DNAH9: variants seen among roughly 807,000 people sequenced by gnomAD.
The protein encoded by DNAH9 is dynein axonemal heavy chain 9, also known as DNAH9 variant protein.
A neutral mutation model predicts 471.6 loss-of-function variants in DNAH9; 345 were observed. The observed-to-expected ratio is 0.73, with a 90% CI of 0.67 to 0.80. The LOEUF is 0.80. Among genes scored for constraint, DNAH9 ranks in the 30% least tolerant of loss-of-function variants. The pLI, the probability that DNAH9 is intolerant of heterozygous loss-of-function variation, is 0.00. For missense variants in DNAH9, 5,407 were observed against 5,609.2 expected, an observed-to-expected ratio of 0.96 and a Z score of 1.15; for synonymous variants, 2,093 against 2,123.6, an observed-to-expected ratio of 0.99 and a Z score of 0.40.
chr17:11,599,229 C>A lies in DNAH9; in HGVS notation c.417+314C>A, dbSNP rs531234719. ...GGGTCAGTCCGGGTCTGGGTTCCAG[C>A]CAAAGTCAGGGGAAGACCATAATCT... On this transcript the variant is annotated intron_variant, in intron 1 of 68. Transcript: ENST00000262442. Among the ~76,000 whole-genome samples, 14 of 152,096 alleles carry A rather than the reference C, an allele frequency of 9.2e-5. No homozygotes were observed. The South Asian group carries it at 2.9e-3, about 32-fold the overall frequency.
At position 11,668,392 on chromosome 17, in the gene DNAH9, C is replaced by T. The variant is rs139867022; in HGVS notation, c.2732-672C>T. On this transcript the variant is annotated intron_variant, in intron 15 of 68. Transcript: ENST00000262442. ...AAAAATCAACCTCTTGTTGGCTGGG[C>T]GCGGTGGCTCATGCCTGTAATCTCA... Among the ~76,000 whole-genome samples the T allele has an allele frequency of 1.8e-3, 278 of 152,170 alleles. 2 individuals are homozygous for T. Among genetic ancestry groups the T allele is most frequent in the Admixed American group, 0.016 (249 of 15,284 alleles).
chr17:11,768,162 C>T (rs974542516), intron 36 of DNAH9, among the ~76,000 whole-genome samples: 1 of 152,188 alleles, frequency 6.6e-6, no homozygotes, highest in African/African-American at 2.4e-5. Flanking sequence ...TCTTCCACCT[C>T]CCTCCCTCAA....
chr17:11,656,081 G>A (rs1430291709), intron 14 of DNAH9, among the ~76,000 whole-genome samples: 1 of 152,118 alleles, frequency 6.6e-6, no homozygotes, highest in Non-Finnish European at 1.5e-5. Context: ...TAGATACCCA[G>A]TAGTGGGATT....
At chr17:11,641,001 C>T (rs1269405038) in intron 10 of DNAH9, among the ~76,000 whole-genome samples, 2 of 152,094 alleles carry the variant, frequency 1.3e-5, no homozygotes. Flanking sequence ...GTGTTTAAGA[C>T]GCTGGCTGAG....
rs567586698 is a variant in DNAH9, at chr17:11,698,529, A to G, written c.4873-1202A>G. 2.0e-5 allele frequency among the ~76,000 whole-genome samples: 3 copies of G among 151,568 alleles called. No homozygotes were observed. In the South Asian group the frequency reaches 6.2e-4, roughly 31 times the overall value. On this transcript the variant is annotated intron_variant, in intron 22 of 68. Coordinates refer to ENST00000262442, the MANE Select transcript of DNAH9 (RefSeq NM_001372.4). ...TCAATAAAGAAAGGTCTATCTTGGT[A>G]TTTGTACCCAAATCAGTGTGGGTGG...
chr17:11,866,185 A>G (rs1303386380), intron 50 of DNAH9, among the ~76,000 whole-genome samples: 1 of 150,740 alleles, frequency 6.6e-6, no homozygotes, highest in Non-Finnish European at 1.5e-5. Flanking sequence ...TGATGTACAG[A>G]TGGGTTTTTG....
At position 11,611,756 on chromosome 17, in the gene DNAH9, G is replaced by T. The variant is rs2072642351; in HGVS notation, c.880G>T (p.Ala294Ser). 2 of 1,614,218 alleles carry T rather than the reference G, an allele frequency of 1.2e-6. No individual in the cohort carries two copies. The highest frequency in any genetic ancestry group is 1.7e-6 in the Non-Finnish European group (2 of 1,180,020). Reference protein sequence around the residue: ...LQSSYFPAFKAMYRDVVAALA... With the variant: ...LQSSYFPAFKSMYRDVVAALA... ...GAGTAGCTACTTTCCAGCTTTCAAA[G>T]CCATGTACAGAGATGTTGTTGCAGG... The change falls in exon 4 of 69, where the codon GCC (alanine) becomes TCC (serine). Residue 294 changes from alanine (A) to serine (S), a missense_variant. Coordinates refer to ENST00000262442, the MANE Select transcript of DNAH9 (RefSeq NM_001372.4).
At chr17:11,778,329 CAAAAAAAAA>C (rs57983162) in intron 38 of DNAH9, among the ~76,000 whole-genome samples, 158 of 48,638 alleles carry the variant, frequency 3.2e-3, no homozygotes, top group South Asian at 0.016. Flanking sequence ...GACTCCATCT[CAAAAAAAAA>C]AAAAAAAAAA....
intron 67 of DNAH9, among the ~76,000 whole-genome samples, chr17:11,945,537 CAA>C (rs34040154): frequency 8.8e-5 from 9 of 102,338 alleles, no homozygotes; most frequent in Admixed American, 3.1e-4. Flanking sequence ...GATTCCATCT[CAA>C]AAAAAAAAAA....
Position 11,969,420 on chromosome 17 carries a change from A to G in DNAH9, c.13354A>G (p.Lys4452Glu). Residue 4452 changes from lysine (K) to glutamate (E), a missense_variant, in exon 69 of 69, where the codon AAG becomes GAG. Around this residue, in one of 3 missense-constraint regions of DNAH9, gnomAD observed 4,636 missense variants for 4,900.3 expected, o/e 0.95. Coordinates refer to ENST00000262442, the MANE Select transcript of DNAH9 (RefSeq NM_001372.4). ...CRSVYSCPVY[K>E]TSQRGPTYVW... ...CAGTGTCTATTCCTGTCCTGTGTACAAGACTAGTCAGCGGGGACCCACCTA... is the reference window on the plus strand; with the variant it reads ...CAGTGTCTATTCCTGTCCTGTGTACGAGACTAGTCAGCGGGGACCCACCTA... The G allele has an allele frequency of 1.2e-6, 2 of 1,614,098 alleles. No homozygotes were observed. Among genetic ancestry groups the G allele is most frequent in the Non-Finnish European group, 1.7e-6 (2 of 1,180,028 alleles).
chr17:11,605,622 C>T, intron 1 of DNAH9, among the ~76,000 whole-genome samples: 1 of 151,808 alleles, frequency 6.6e-6, no homozygotes, highest in Non-Finnish European at 1.5e-5. Flanking sequence ...ACCTCAGCCT[C>T]CTTAGTAACT....
At chr17:11,766,635 G>T (rs1352738507) in intron 36 of DNAH9, among the ~76,000 whole-genome samples, 4 of 152,190 alleles carry the variant, frequency 2.6e-5, no homozygotes, top group Non-Finnish European at 5.9e-5. Flanking sequence ...CTTCAGAAGG[G>T]ACCATGCTGA....
At chr17:11,834,329 A>AG (rs144706181) in intron 48 of DNAH9, among the ~76,000 whole-genome samples, 36 of 3,240 alleles carry the variant, frequency 0.011, no homozygotes, top group African/African-American at 0.024. Context: ...ACTCCGTCTC[A>AG]AAAAAAAAAA....
chr17:11,928,911 G>C (rs1367734623), intron 62 of DNAH9, among the ~76,000 whole-genome samples: 2 of 151,996 alleles, frequency 1.3e-5, no homozygotes, highest in Non-Finnish European at 2.9e-5. Flanking sequence ...CTAGCTCCCA[G>C]GTACTGCCAA....
rs751036933 is a variant in DNAH9 at position 11,781,170 on chromosome 17, C to A, written c.7714C>A (p.His2572Asn). 25 of 1,613,676 alleles carry A rather than the reference C, an allele frequency of 1.5e-5. No individual in the cohort carries two copies. ...TIIRQHLDYG[H>N]WYDRSKLSLK... ...CATCCGGCAGCATCTGGACTATGGC[C>A]ACTGGTAAGAGCGCCCATGTAGAGG... Residue 2572 changes from histidine (H) to asparagine (N), a missense_variant, in exon 39 of 69, where the codon CAC (histidine) becomes AAC (asparagine). By Grantham distance (68) the His-to-Asn change is moderately conservative. This residue lies in a region of DNAH9 where 4,636 missense variants were observed against 4,900.3 expected (regional missense o/e 0.95). Transcript: ENST00000262442.
rs551563489 is a variant in DNAH9, at chr17:11,925,624, G to C, written c.11877+1683G>C. On this transcript the variant is annotated intron_variant, in intron 62 of 68. Coordinates refer to ENST00000262442, the MANE Select transcript of DNAH9 (RefSeq NM_001372.4). ...ACCCAGGCACTTGTCATGGACATCA[G>C]AGTCTGTTTCTGAAACTGTGGTGCC... 3.9e-4 allele frequency among the ~76,000 whole-genome samples: 60 copies of C among 152,306 alleles called. 1 individual carries two copies. The highest frequency in any genetic ancestry group is 1.4e-3 in the African/African-American group (60 of 41,560).
intron 10 of DNAH9, among the ~76,000 whole-genome samples, chr17:11,644,283 A>G (rs1253330045): frequency 6.6e-6 from 1 of 152,214 alleles, no homozygotes; most frequent in East Asian, 1.9e-4. Context: ...AGAAAATTAC[A>G]GCACCTAGAA....
chr17:11,619,980 G>A, intron 6 of DNAH9, 199 bp downstream of exon 6: 1 of 566,092 alleles, frequency 1.8e-6, no homozygotes, highest in Non-Finnish European at 3.1e-6. Context: ...GGAGGCAAAG[G>A]TGGGTGGATT....
intron 28 of DNAH9, among the ~76,000 whole-genome samples, chr17:11,731,696 A>G (rs913341901): frequency 6.6e-6 from 1 of 151,898 alleles, no homozygotes; most frequent in African/African-American, 2.4e-5. Flanking sequence ...GATTGTTTCC[A>G]GCTTCATCCA....
Sources: allele counts gnomAD v4.1 joint callset (sites outside exome capture counted in the v4.1 genomes callset), GRCh38; gene constraint gnomAD v4.1.1; regional missense constraint gnomAD v4.1.1; transcripts MANE v1.5; gene names NCBI Gene and HGNC (gene_info 2026-07-23, HGNC 2026-07-21).